The following RBL1 variants were observed in gnomAD, a reference collection of about 807,000 sequenced individuals.
RBL1 encodes the protein retinoblastoma-like protein 1.
RBL1 carries 82 observed loss-of-function variants against 123.0 expected under a neutral mutation model. That is an observed-to-expected ratio of 0.67 (90% CI 0.56 to 0.80). The LOEUF is 0.80. Ranked by LOEUF, RBL1 falls within the 30% of genes least tolerant of loss-of-function variation. RBL1 has a pLI of 0.00. For synonymous variants in RBL1, 405 were observed against 441.3 expected, an observed-to-expected ratio of 0.92 and a Z score of 1.03; for missense variants, 1,171 against 1,299.6, an observed-to-expected ratio of 0.90 and a Z score of 1.52.
rs569169499 is a variant in RBL1, at chr20:37,059,717, C to A, written c.1250+1386G>T. Among the ~76,000 whole-genome samples, 72 of 152,152 alleles carry A rather than the reference C, an allele frequency of 4.7e-4. No homozygotes were observed. In the South Asian group the frequency reaches 0.015, roughly 31 times the overall value. Reference sequence around the variant, plus strand: ...TTGGAAATTTGTCATGAAATCATATCTCTCTCCTCATTTGGTTGCCATTGA... The same window carrying A: ...TTGGAAATTTGTCATGAAATCATATATCTCTCCTCATTTGGTTGCCATTGA... On this transcript the variant is annotated intron_variant, in intron 9 of 21. Coordinates refer to ENST00000373664, the MANE Select transcript of RBL1 (RefSeq NM_002895.5).
intron 16 of RBL1, among the ~76,000 whole-genome samples, chr20:37,025,443 C>G (rs887104905): frequency 6.6e-6 from 1 of 151,954 alleles, no homozygotes; most frequent in South Asian, 2.1e-4. Context: ...TCGCTTGAGC[C>G]CGGGAGGTTG....
At chr20:37,055,458 G>A in intron 11 of RBL1, 95 bp downstream of exon 11, 1 of 1,577,226 alleles carries the variant, frequency 6.3e-7, no homozygotes, top group Non-Finnish European at 8.6e-7. Flanking sequence ...GTCATAGATT[G>A]GTGACTCCCA....
rs150073732 is a variant in RBL1, at chr20:37,003,729, C to G, written c.3009G>C (p.Leu1003=). The G allele has an allele frequency of 3.7e-4, 600 of 1,612,938 alleles. No individual in the cohort carries two copies. In the African/African-American group the frequency reaches 7.1e-3, roughly 19 times the overall value. Reference sequence around the variant, plus strand: ...TAGAAGGGCTGCCATTGAACTTGTACAGCAGAGCGCTTCTTGGTGTAAGGC... The same window carrying G: ...TAGAAGGGCTGCCATTGAACTTGTAGAGCAGAGCGCTTCTTGGTGTAAGGC... The part of the protein sequence containing the change: ...GSGLTPRSAL[L]YKFNGSPSKS... Residue 1003 remains leucine, a synonymous_variant, in exon 21 of 22, where the codon CTG becomes CTC. Coordinates refer to ENST00000373664, the MANE Select transcript of RBL1 (RefSeq NM_002895.5).
chr20:37,081,306 G>A (rs1358824726), intron 2 of RBL1, among the ~76,000 whole-genome samples: 2 of 152,096 alleles, frequency 1.3e-5, no homozygotes, highest in Admixed American at 1.3e-4. Context: ...GCAATGGCGA[G>A]TCAATCTTCC....
At chr20:37,066,670 TCACA>T in intron 6 of RBL1, 50 bp downstream of exon 6, 7 of 1,513,082 alleles carry the variant, frequency 4.6e-6, no homozygotes, top group Admixed American at 3.9e-5. Context: ...TTTTTTCTTT[TCACA>T]TTACTGGTGA....
At chr20:37,040,090 T>C (rs959657349) in intron 14 of RBL1, 63 bp downstream of exon 14, 5 of 1,593,840 alleles carry the variant, frequency 3.1e-6, no homozygotes, top group Admixed American at 3.7e-5. Context: ...CTTAAAATTT[T>C]CCCTGAAAAA....
At position 37,066,888 on chromosome 20, in the gene RBL1, G is replaced by A. The variant is rs780572141; in HGVS notation, c.686-4C>T. The stretch of plus-strand genomic sequence containing the variant: ...GTATGAAAATCAGATGGTAAACCTA[G>A]TTTGACAGTGTAGGAAGGGCAGAGG... On this transcript the variant is annotated splice_polypyrimidine_tract_variant and splice_region_variant and intron_variant, in intron 5 of 21. Transcript: ENST00000373664. 1.9e-6 allele frequency: 3 copies of A among 1,612,718 alleles called. No individual in the cohort carries two copies. The African/African-American group carries it at 4.0e-5, about 22-fold the overall frequency.
chr20:36,998,965 G>C (rs983843929), intron 21 of RBL1, 36 bp from the exon 22 acceptor site: 16 of 1,551,114 alleles, frequency 1.0e-5, no homozygotes, highest in Non-Finnish European at 1.3e-5. Context: ...GAGTAAAAGA[G>C]GGAGAGGGGA....
chr20:37,017,692 G>A (rs1231361870), intron 19 of RBL1, among the ~76,000 whole-genome samples: 2 of 150,898 alleles, frequency 1.3e-5, no homozygotes, highest in Non-Finnish European at 1.5e-5. Flanking sequence ...GTGCAGTGGC[G>A]TGATCTCAGC....
rs145532489 is a variant in RBL1, at chr20:37,034,351, G to A, written c.2170+891C>T. 2.6e-5 allele frequency among the ~76,000 whole-genome samples: 4 copies of A among 151,752 alleles called. No homozygotes were observed. The East Asian group carries it at 7.7e-4, about 29-fold the overall frequency. On this transcript the variant is annotated intron_variant, in intron 15 of 21. Transcript: ENST00000373664. The stretch of plus-strand genomic sequence containing the variant: ...TGTATTTGCCTGGGATACATTTATA[G>A]TTTAAATTTATTGGAAAAAAAAGCA...
At chr20:37,058,040 G>A (rs141990615) in intron 9 of RBL1, among the ~76,000 whole-genome samples, 1,531 of 150,282 alleles carry the variant, frequency 0.01, 23 homozygotes, top group African/African-American at 0.036. Flanking sequence ...CAGGAGAATC[G>A]ATTGAACCTG....
chr20:37,024,245 T>C (rs2064387624), intron 16 of RBL1, among the ~76,000 whole-genome samples: 1 of 152,212 alleles, frequency 6.6e-6, no homozygotes, highest in Non-Finnish European at 1.5e-5. Flanking sequence ...AAGCCACCAG[T>C]GATTTATTTT....
chr20:37,074,886 T>G (rs1310804742), intron 2 of RBL1, among the ~76,000 whole-genome samples: 1 of 151,862 alleles, frequency 6.6e-6, no homozygotes, highest in South Asian at 2.1e-4. Flanking sequence ...TCCATATATA[T>G]CCAAAAGAAA....
At chr20:37,081,359 G>A (rs2065445649) in intron 2 of RBL1, among the ~76,000 whole-genome samples, 1 of 152,142 alleles carries the variant, frequency 6.6e-6, no homozygotes, top group South Asian at 2.1e-4. Flanking sequence ...CTTGGCTGGT[G>A]CGGTGGCTCA....
rs746022907 is a variant in RBL1, at chr20:37,062,122, C to A, written c.1045G>T (p.Ala349Ser). ...TGTTGAAGGTTATACTCCACATTAG[C>A]CTGTGCTGTCAGTTTCCCTAATGGG... ...DTPLGKLTAQ[A>S]NVEYNLQQHF... The change falls in exon 8 of 22, where the codon GCT becomes TCT. Residue 349 changes from alanine (A) to serine (S), a missense_variant. Coordinates refer to ENST00000373664, the MANE Select transcript of RBL1 (RefSeq NM_002895.5). The A allele has an allele frequency of 5.0e-5, 81 of 1,613,992 alleles. No individual in the cohort carries two copies. Among genetic ancestry groups the A allele is most frequent in the Non-Finnish European group, 6.4e-5 (76 of 1,180,020 alleles).
chr20:37,029,547 T>C lies in RBL1; in HGVS notation c.2382+3118A>G, dbSNP rs575674742. Among the ~76,000 whole-genome samples the C allele has an allele frequency of 2.0e-5, 3 of 152,332 alleles. 1 individual carries two copies. The highest frequency in any genetic ancestry group is 2.1e-4 in the South Asian group (1 of 4,828). Reference sequence around the variant, plus strand: ...AAGATCAGGAGTAAGACAAGGATGTTTGCTTTCACCACTTTTATTCAACAT... The same window carrying C: ...AAGATCAGGAGTAAGACAAGGATGTCTGCTTTCACCACTTTTATTCAACAT... On this transcript the variant is annotated intron_variant, in intron 16 of 21. Transcript: ENST00000373664.
chr20:37,003,412 C>T (rs2064018351), intron 21 of RBL1, among the ~76,000 whole-genome samples: 1 of 152,140 alleles, frequency 6.6e-6, no homozygotes. Context: ...TCCCCCAGGT[C>T]TGACCACTTG....
intron 13 of RBL1, 45 bp downstream of exon 13, chr20:37,044,033 GTTTTTTTT>G: frequency 2.2e-6 from 2 of 912,702 alleles, no homozygotes; most frequent in Non-Finnish European, 3.0e-6. Context: ...AATAAAGCTG[GTTTTTTTT>G]TTTTTTTTTT....
chr20:37,009,652 G>A (rs2064122700), intron 19 of RBL1, among the ~76,000 whole-genome samples: 1 of 152,096 alleles, frequency 6.6e-6, no homozygotes, highest in African/African-American at 2.4e-5. Flanking sequence ...GAGCGAACAC[G>A]CCTGGTCTAA....
Sources: gnomAD v4.1 joint callset for allele counts (sites outside exome capture counted in the v4.1 genomes callset) on GRCh38, gnomAD v4.1.1 for gene constraint, MANE v1.5 for transcripts, NCBI Gene and HGNC (gene_info 2026-07-23, HGNC 2026-07-21) for gene names.